PCDHA13: variants seen among roughly 807,000 people sequenced by gnomAD.
PCDHA13 encodes protocadherin alpha 13, also known as protocadherin alpha-13.
In PCDHA13, 54 loss-of-function variants were observed where a neutral mutation model predicts 64.8. That is an observed-to-expected ratio of 0.83 (90% CI 0.67 to 1.04). The LOEUF (loss-of-function observed/expected upper bound fraction) is 1.04. Among genes scored for constraint, PCDHA13 ranks in the 50% least tolerant of loss-of-function variants. The pLI is 0.00. For missense variants in PCDHA13, 1,248 were observed against 1,254.3 expected (o/e 0.99, Z 0.08); for synonymous variants, 587 against 564.4 (o/e 1.04, Z -0.57).
intron 1 of PCDHA13, among the ~76,000 whole-genome samples, chr5:140,953,994 A>G (rs1464982369): frequency 6.6e-6 from 1 of 151,886 alleles, no homozygotes; most frequent in Non-Finnish European, 1.5e-5. Flanking sequence ...TTTCATGTGT[A>G]CTCATCATTC....
chr5:140,887,023 A>T (rs561705710), intron 1 of PCDHA13, among the ~76,000 whole-genome samples: 3 of 152,050 alleles, frequency 2.0e-5, no homozygotes, highest in South Asian at 2.1e-4. Flanking sequence ...TGCCTGAAAA[A>T]TTTCTTTAAT....
At chr5:140,890,627 G>A (rs1562851697) in intron 1 of PCDHA13, among the ~76,000 whole-genome samples, 1 of 152,056 alleles carries the variant, frequency 6.6e-6, no homozygotes, top group Non-Finnish European at 1.5e-5. Flanking sequence ...AGAAAATTAA[G>A]CATGTATCCT....
At chr5:140,918,897 C>A (rs1381764249) in intron 1 of PCDHA13, among the ~76,000 whole-genome samples, 1 of 152,196 alleles carries the variant, frequency 6.6e-6, no homozygotes, top group Admixed American at 6.5e-5. Context: ...AAAAATAAAT[C>A]TCTCTTGTTT....
intron 3 of PCDHA13, among the ~76,000 whole-genome samples, chr5:141,007,067 G>A (rs1352139121): frequency 1.3e-5 from 2 of 152,164 alleles, no homozygotes; most frequent in African/African-American, 4.8e-5. Flanking sequence ...AAAGGAGAGA[G>A]TGAAGAGAAA....
rs114148884 is a variant in PCDHA13 at position 140,924,440 on chromosome 5, C to T, written c.2394+39778C>T. ...CTTTCTAGTTCCCTAGAAGAGATAA[C>T]GAATGGGTTTGTGTGTTTAGGGAGG... On this transcript the variant is annotated intron_variant, in intron 1 of 3. Coordinates refer to ENST00000289272, the MANE Select transcript of PCDHA13 (RefSeq NM_018904.3). Among the ~76,000 whole-genome samples, 538 of 152,252 alleles carry T rather than the reference C, an allele frequency of 3.5e-3. 4 individuals are homozygous for T. Among genetic ancestry groups the T allele is most frequent in the African/African-American group, 0.012 (480 of 41,540 alleles).
rs2059755439 is a variant in PCDHA13 at position 140,883,691 on chromosome 5, T to C, written c.1423T>C (p.Phe475Leu). 2 of 1,613,592 alleles carry C rather than the reference T, an allele frequency of 1.2e-6. No homozygotes were observed. Among genetic ancestry groups the C allele is most frequent in the African/African-American group, 2.7e-5 (2 of 74,850 alleles). ...KENNPPGCHI[F>L]TVSAQDADAQ... Reference sequence around the variant, plus strand: ...AAACAATCCGCCGGGCTGCCACATCTTCACGGTGTCTGCTCAGGACGCGGA... The same window carrying C: ...AAACAATCCGCCGGGCTGCCACATCCTCACGGTGTCTGCTCAGGACGCGGA... The change falls in exon 1 of 4, where the codon TTC (phenylalanine) becomes CTC (leucine). Residue 475 changes from phenylalanine (F) to leucine (L), a missense_variant. Physicochemically the swap from Phe to Leu is conservative, Grantham distance 22 (BLOSUM62 0). Transcript: ENST00000289272.
At position 141,010,210 on chromosome 5, in the gene PCDHA13, G is replaced by A. The variant is rs2098416466; in HGVS notation, c.*273G>A. ...AGTTTCCTTTCTCCTCCGCCGCAAA[G>A]GAGAGGCTTCCCAGCCCCGCCAGTG... On this transcript the variant is annotated 3_prime_UTR_variant, in exon 4 of 4. Transcript: ENST00000289272. 4 of 1,551,736 alleles carry A rather than the reference G, an allele frequency of 2.6e-6. No homozygotes were observed. Among genetic ancestry groups the A allele is most frequent in the African/African-American group, 1.4e-5 (1 of 73,050 alleles).
At chr5:140,898,703 G>A (rs2066931625) in intron 1 of PCDHA13, among the ~76,000 whole-genome samples, 1 of 152,068 alleles carries the variant, frequency 6.6e-6, no homozygotes, top group Non-Finnish European at 1.5e-5. Context: ...GAACTTTAAA[G>A]TAGTTTTTTC....
intron 1 of PCDHA13, 52 bp downstream of exon 1, chr5:140,884,714 C>A: frequency 1.4e-6 from 2 of 1,471,312 alleles, no homozygotes; most frequent in Non-Finnish European, 9.0e-7. Context: ...GCCTTCCTTG[C>A]AGTTGTTTGT....
At chr5:140,967,733 C>T (rs1473723959) in intron 1 of PCDHA13, 7 of 1,614,024 alleles carry the variant, frequency 4.3e-6, no homozygotes, top group Non-Finnish European at 5.9e-6. Context: ...AATTGGGGGG[C>T]TGGATTATGA....
At chr5:140,909,288 A>G (rs1441603045) in intron 1 of PCDHA13, among the ~76,000 whole-genome samples, 2 of 152,234 alleles carry the variant, frequency 1.3e-5, no homozygotes, top group Non-Finnish European at 2.9e-5. Context: ...GGTGGGCCTT[A>G]TGGACAGGAA....
Position 140,918,963 on chromosome 5 carries a change from A to C in PCDHA13, c.2394+34301A>C, listed in dbSNP as rs74470631. ...TAATATCCTGAACAGACTAAGACAGATATCGTTTAGGTTAGTTGGTTTTTA... is the reference window on the plus strand; with the variant it reads ...TAATATCCTGAACAGACTAAGACAGCTATCGTTTAGGTTAGTTGGTTTTTA... On this transcript the variant is annotated intron_variant, in intron 1 of 3. Transcript: ENST00000289272. Among the ~76,000 whole-genome samples the C allele has an allele frequency of 4.6e-3, 702 of 152,330 alleles. 2 individuals are homozygous for C. Among genetic ancestry groups the C allele is most frequent in the African/African-American group, 0.016 (679 of 41,576 alleles).
Position 140,888,304 on chromosome 5 carries a change from T to C in PCDHA13, c.2394+3642T>C, listed in dbSNP as rs560267265. Among the ~76,000 whole-genome samples the C allele has an allele frequency of 9.2e-5, 14 of 152,272 alleles. No homozygotes were observed. The South Asian group carries it at 2.7e-3, about 29-fold the overall frequency. On this transcript the variant is annotated intron_variant, in intron 1 of 3. Transcript: ENST00000289272. The stretch of plus-strand genomic sequence containing the variant: ...CCTCTACCCCCTACCCAGGAGATAA[T>C]TTGGCAATGCCTGGATACATTTTTG...
chr5:140,966,427 C>T (rs2096001144), intron 1 of PCDHA13: 1 of 421,646 alleles, frequency 2.4e-6, no homozygotes, highest in African/African-American at 2.1e-5. Context: ...CTTGCTGAGC[C>T]CTCCTACCGC....
intron 1 of PCDHA13, chr5:140,969,414 G>C: frequency 6.4e-7 from 1 of 1,566,012 alleles, no homozygotes; most frequent in Non-Finnish European, 8.7e-7. Context: ...GCTTTATTGA[G>C]TCATTAACAG....
intron 1 of PCDHA13, among the ~76,000 whole-genome samples, chr5:140,905,080 C>G (rs2071583789): frequency 6.6e-6 from 1 of 152,128 alleles, no homozygotes; most frequent in Non-Finnish European, 1.5e-5. Flanking sequence ...GTTGCACTTT[C>G]TTTTGGGTTC....
chr5:140,928,149 T>C, intron 1 of PCDHA13: 2 of 1,614,194 alleles, frequency 1.2e-6, no homozygotes, highest in Non-Finnish European at 8.5e-7. Flanking sequence ...CGGCCTCAGA[T>C]AGTGGCTCAC....
Position 140,922,401 on chromosome 5 carries a change from A to T in PCDHA13, c.2394+37739A>T, listed in dbSNP as rs1290862669. On this transcript the variant is annotated intron_variant, in intron 1 of 3. Transcript: ENST00000289272. ...AACCAAAGACTCCTTGTTTTGGATT[A>T]AAAAGATCTAGGTACAGAGGCTGAG... 2.6e-5 allele frequency among the ~76,000 whole-genome samples: 4 copies of T among 152,234 alleles called. No individual in the cohort carries two copies. In the East Asian group the frequency reaches 7.7e-4, roughly 29 times the overall value.
chr5:141,001,089 C>G (rs972790418), intron 3 of PCDHA13, among the ~76,000 whole-genome samples: 2 of 152,042 alleles, frequency 1.3e-5, no homozygotes, highest in Admixed American at 1.3e-4. Flanking sequence ...ACCCCATAAA[C>G]TGTCTAATCC....
Sources: allele counts gnomAD v4.1 joint callset (sites outside exome capture counted in the v4.1 genomes callset), GRCh38; gene constraint gnomAD v4.1.1; transcripts MANE v1.5; gene names NCBI Gene and HGNC (gene_info 2026-07-23, HGNC 2026-07-21).